Variants in SUPT3H observed in about 807,000 individuals in gnomAD.
The protein encoded by SUPT3H is SPT3 homolog, SAGA and STAGA complex component, also known as transcription initiation protein SPT3 homolog.
In SUPT3H, 44 loss-of-function variants were observed where a neutral mutation model predicts 44.3. The observed-to-expected ratio is 0.99, with a 90% CI of 0.78 to 1.28. The LOEUF is 1.28. Ranked by LOEUF, SUPT3H falls within the 50% of genes most tolerant of loss-of-function variation. The probability of loss-of-function intolerance (pLI) is 0.00; values close to 1 mark genes in which losing one functional copy is unlikely to be tolerated. For synonymous variants in SUPT3H, 124 were observed against 125.6 expected (o/e 0.99, Z 0.09); for missense variants, 380 against 387.1 (o/e 0.98, Z 0.15).
At chr6:45,043,912 C>T (rs1324499985) in intron 3 of SUPT3H, among the ~76,000 whole-genome samples, 1 of 152,126 alleles carries the variant, frequency 6.6e-6, no homozygotes, top group Non-Finnish European at 1.5e-5. Flanking sequence ...TCAAGAACCC[C>T]TTACTGCCTT....
chr6:45,214,098 A>T (rs1303569452), intron 2 of SUPT3H, among the ~76,000 whole-genome samples: 3 of 151,334 alleles, frequency 2.0e-5, no homozygotes, highest in Admixed American at 6.6e-5. Context: ...ACCAATGTAT[A>T]AATGAGCAAA....
chr6:45,351,793 A>G (rs1792106967), intron 2 of SUPT3H, among the ~76,000 whole-genome samples: 1 of 152,134 alleles, frequency 6.6e-6, no homozygotes, highest in East Asian at 1.9e-4. Flanking sequence ...TCTGCCCTTC[A>G]AATACCTAAA....
intron 2 of SUPT3H, chr6:45,328,849 T>TTGATAAAC: frequency 6.7e-7 from 1 of 1,499,834 alleles, no homozygotes; most frequent in Non-Finnish European, 9.3e-7. Flanking sequence ...GTATGATTCT[T>TTGATAAAC]TGATAAACTG....
intron 2 of SUPT3H, among the ~76,000 whole-genome samples, chr6:45,132,183 C>T (rs1203170485): frequency 6.6e-6 from 1 of 152,098 alleles, no homozygotes; most frequent in Non-Finnish European, 1.5e-5. Context: ...CTATATTTTC[C>T]TGCTCCTGGC....
intron 2 of SUPT3H, among the ~76,000 whole-genome samples, chr6:45,195,271 G>A (rs1158847985): frequency 6.6e-6 from 1 of 152,142 alleles, no homozygotes; most frequent in Non-Finnish European, 1.5e-5. Flanking sequence ...CAGAAAAAGA[G>A]AGCAATGATC....
At chr6:45,112,629 T>C (rs1294784194) in intron 2 of SUPT3H, among the ~76,000 whole-genome samples, 1 of 151,902 alleles carries the variant, frequency 6.6e-6, no homozygotes, top group Non-Finnish European at 1.5e-5. Flanking sequence ...AGAGGGGAAG[T>C]GCTGATTAAG....
At chr6:44,916,951 G>T (rs930471290) in intron 10 of SUPT3H, among the ~76,000 whole-genome samples, 1 of 151,506 alleles carries the variant, frequency 6.6e-6, no homozygotes, top group Non-Finnish European at 1.5e-5. Flanking sequence ...TGGGTAACAT[G>T]GTGAGACCCT....
At chr6:45,003,243 T>C (rs1782244915) in intron 6 of SUPT3H, among the ~76,000 whole-genome samples, 1 of 152,172 alleles carries the variant, frequency 6.6e-6, no homozygotes. Context: ...CCTGCAACTA[T>C]AGCCAGAAGA....
At chr6:45,132,172 AC>A (rs1488610945) in intron 2 of SUPT3H, among the ~76,000 whole-genome samples, 3 of 152,190 alleles carry the variant, frequency 2.0e-5, no homozygotes, top group Non-Finnish European at 4.4e-5. Context: ...GAGGAGGACT[AC>A]TATATTTTCC....
intron 10 of SUPT3H, among the ~76,000 whole-genome samples, chr6:44,854,650 T>C (rs1192028121): frequency 6.6e-6 from 1 of 152,182 alleles, no homozygotes; most frequent in Non-Finnish European, 1.5e-5. Context: ...ATTCAGCTTC[T>C]GCACTCAGTG....
At chr6:44,851,642 T>C (rs1226082977) in intron 10 of SUPT3H, among the ~76,000 whole-genome samples, 1 of 152,200 alleles carries the variant, frequency 6.6e-6, no homozygotes. Flanking sequence ...AATGGAGACA[T>C]ATTGTTGCCT....
chr6:45,295,524 C>CAAAAAAAAAAAAAAAAA lies in SUPT3H; in HGVS notation c.101+69660_101+69676dup, dbSNP rs752887669. Among the ~76,000 whole-genome samples the CAAAAAAAAAAAAAAAAA allele has an allele frequency of 7.5e-5, 3 of 40,060 alleles. 1 individual carries two copies. The highest frequency in any genetic ancestry group is 1.3e-4 in the Non-Finnish European group (3 of 22,698). The allele number at this position is 40,060 out of a possible 152,430, so 26.3% of individuals were successfully genotyped here. A position where few individuals can be genotyped will look rare whatever the true frequency, so the allele number is the denominator to read the frequency against. Reference sequence around the variant, plus strand: ...ATTAAACGAAAGAGCTTTTGCACAGCAAAAAAAAAAAAAAAAAAAAAAAAA... The same window carrying CAAAAAAAAAAAAAAAAA: ...ATTAAACGAAAGAGCTTTTGCACAGCAAAAAAAAAAAAAAAAAAAAAAAAAAAAAAAAAAAAAAAAAA... On this transcript the variant is annotated intron_variant, in intron 2 of 10. Transcript: ENST00000371459.
At chr6:45,011,588 T>C (rs575930041) in intron 5 of SUPT3H, among the ~76,000 whole-genome samples, 1 of 152,208 alleles carries the variant, frequency 6.6e-6, no homozygotes, top group African/African-American at 2.4e-5. Flanking sequence ...TTCCAAACAT[T>C]ACAGACCCAA....
chr6:45,367,334 G>A (rs568184001), intron 1 of SUPT3H, among the ~76,000 whole-genome samples: 26 of 152,174 alleles, frequency 1.7e-4, no homozygotes, highest in Non-Finnish European at 3.5e-4. Flanking sequence ...AGAACATAAT[G>A]CTAAGAAAGA....
chr6:44,856,444 A>G (rs1582015771), intron 10 of SUPT3H, among the ~76,000 whole-genome samples: 2 of 152,358 alleles, frequency 1.3e-5, no homozygotes, highest in Admixed American at 1.3e-4. Flanking sequence ...CTAGAAAATC[A>G]GGCCAAAAAT....
chr6:44,984,122 G>T (rs1246366896), intron 6 of SUPT3H, among the ~76,000 whole-genome samples: 1 of 152,176 alleles, frequency 6.6e-6, no homozygotes, highest in Non-Finnish European at 1.5e-5. Flanking sequence ...AGGTTGCCTA[G>T]AAGCCTCTAT....
At chr6:45,296,783 G>A (rs1251004424) in intron 2 of SUPT3H, among the ~76,000 whole-genome samples, 3 of 133,736 alleles carry the variant, frequency 2.2e-5, no homozygotes, top group Non-Finnish European at 3.3e-5. Context: ...AGGGTGCAGC[G>A]TATTCTGCTC....
chr6:44,950,649 A>G (rs1371003739), intron 9 of SUPT3H, among the ~76,000 whole-genome samples: 1 of 152,008 alleles, frequency 6.6e-6, no homozygotes, highest in Non-Finnish European at 1.5e-5. Flanking sequence ...TAAACTTGCT[A>G]ATCTAGTAAG....
chr6:44,956,288 T>A (rs1355940615), intron 7 of SUPT3H, among the ~76,000 whole-genome samples: 1 of 151,284 alleles, frequency 6.6e-6, no homozygotes, highest in Non-Finnish European at 1.5e-5. Flanking sequence ...ATGGAGACCA[T>A]CCTGGCCAAC....
Sources: gnomAD v4.1 joint callset for allele counts (sites outside exome capture counted in the v4.1 genomes callset) on GRCh38, gnomAD v4.1.1 for gene constraint, MANE v1.5 for transcripts, NCBI Gene and HGNC (gene_info 2026-07-23, HGNC 2026-07-21) for gene names.